The following VWC2L variants were observed in gnomAD, a reference collection of about 807,000 sequenced individuals.
VWC2L encodes von Willebrand factor C domain-containing protein 2-like.
Under a neutral mutation model 21.6 loss-of-function variants are expected in VWC2L, and 10 were observed. The observed-to-expected ratio is 0.46, with a 90% CI of 0.29 to 0.78. The LOEUF (loss-of-function observed/expected upper bound fraction) is 0.78. Ranked by LOEUF, VWC2L falls within the 30% of genes least tolerant of loss-of-function variation. VWC2L has a pLI of 0.10. For synonymous variants in VWC2L, 96 were observed against 94.3 expected (o/e 1.02, Z -0.10); for missense variants, 209 against 277.1 (o/e 0.75, Z 1.74).
chr2:214,472,780 T>G (rs1277156094), intron 3 of VWC2L, among the ~76,000 whole-genome samples: 2 of 152,182 alleles, frequency 1.3e-5, no homozygotes, highest in African/African-American at 4.8e-5. Flanking sequence ...GAAAATTTGT[T>G]TAGAAATTAG....
chr2:214,418,919 G>A (rs899859169), intron 2 of VWC2L, among the ~76,000 whole-genome samples: 4 of 152,074 alleles, frequency 2.6e-5, no homozygotes, highest in Non-Finnish European at 4.4e-5. Context: ...GGTTGTCTTG[G>A]ATTCTGTCTC....
At chr2:214,486,083 T>TC (rs1386521526) in intron 3 of VWC2L, among the ~76,000 whole-genome samples, 1 of 152,196 alleles carries the variant, frequency 6.6e-6, no homozygotes, top group African/African-American at 2.4e-5. Context: ...TCTGTGTATG[T>TC]TTGTGTGTGT....
Position 214,495,215 on chromosome 2 carries a change from G to A in VWC2L, c.520+58457G>A, listed in dbSNP as rs549272177. Among the ~76,000 whole-genome samples, 11 of 152,194 alleles carry A rather than the reference G, an allele frequency of 7.2e-5. 1 individual carries two copies. The East Asian group carries it at 1.5e-3, about 21-fold the overall frequency. On this transcript the variant is annotated intron_variant, in intron 3 of 3. Coordinates refer to ENST00000312504, the MANE Select transcript of VWC2L (RefSeq NM_001080500.4). Reference sequence around the variant, plus strand: ...CTGAGAGCTGTGGAAATTAAATTATGAAGGCTGCTAAGAAAATCCCTACTC... The same window carrying A: ...CTGAGAGCTGTGGAAATTAAATTATAAAGGCTGCTAAGAAAATCCCTACTC...
chr2:214,426,272 A>C (rs145044148), intron 2 of VWC2L, among the ~76,000 whole-genome samples: 26 of 152,226 alleles, frequency 1.7e-4, no homozygotes, highest in Admixed American at 3.3e-4. Flanking sequence ...GTTTAGACAA[A>C]ATTGGAACGT....
intron 3 of VWC2L, among the ~76,000 whole-genome samples, chr2:214,566,621 A>G (rs865954165): frequency 1.3e-5 from 2 of 152,154 alleles, no homozygotes; most frequent in Non-Finnish European, 2.9e-5. Flanking sequence ...TTTGGAAGTA[A>G]CACAGGGATG....
intron 3 of VWC2L, among the ~76,000 whole-genome samples, chr2:214,517,669 A>G (rs1166115380): frequency 6.6e-6 from 1 of 152,222 alleles, no homozygotes; most frequent in African/African-American, 2.4e-5. Context: ...AATGAACACA[A>G]AAGACTGAAA....
rs1348403181 is a variant in VWC2L, at chr2:214,543,641, A to C, written c.521-32031A>C. On this transcript the variant is annotated intron_variant, in intron 3 of 3. Coordinates refer to ENST00000312504, the MANE Select transcript of VWC2L (RefSeq NM_001080500.4). ...CTCTAGCTGAATATGCTGACCAAAG[A>C]AAGGAAGAGAAAGAAAAAAAAAAAA... Among the ~76,000 whole-genome samples the C allele has an allele frequency of 2.0e-5, 3 of 151,986 alleles. No homozygotes were observed. The South Asian group carries it at 6.2e-4, about 32-fold the overall frequency.
At chr2:214,440,963 C>A (rs1243676873) in intron 3 of VWC2L, among the ~76,000 whole-genome samples, 1 of 152,092 alleles carries the variant, frequency 6.6e-6, no homozygotes, top group Non-Finnish European at 1.5e-5. Context: ...GGAAATGTTA[C>A]CCCATGAAAA....
intron 3 of VWC2L, among the ~76,000 whole-genome samples, chr2:214,495,901 G>A (rs939215079): frequency 2.0e-5 from 3 of 152,136 alleles, no homozygotes; most frequent in African/African-American, 7.2e-5. Context: ...CAACAAGTCA[G>A]TTCAGATTTT....
chr2:214,519,618 C>A (rs1476204287), intron 3 of VWC2L, among the ~76,000 whole-genome samples: 1 of 152,206 alleles, frequency 6.6e-6, no homozygotes, highest in African/African-American at 2.4e-5. Flanking sequence ...TAAATTCTCT[C>A]TCAAGTGGTC....
intron 3 of VWC2L, among the ~76,000 whole-genome samples, chr2:214,501,721 CAAAAAAAAA>C (rs776608301): frequency 1.3e-5 from 1 of 79,108 alleles, no homozygotes; most frequent in Non-Finnish European, 2.4e-5. Context: ...GACTCTGTCT[CAAAAAAAAA>C]AAAAAAAAAA....
In VWC2L at chr2:214,573,273, G is replaced by A. The variant is rs1299931921; in HGVS notation, c.521-2399G>A. Among the ~76,000 whole-genome samples the A allele has an allele frequency of 4.0e-5, 6 of 151,848 alleles. No individual in the cohort carries two copies. In the South Asian group the frequency reaches 1.0e-3, roughly 26 times the overall value. ...CACACACACATACACACATACGCAC[G>A]CTCACACGGTTAAGATTCTTCTGAC... On this transcript the variant is annotated intron_variant, in intron 3 of 3. Transcript: ENST00000312504.
chr2:214,545,338 C>T (rs2105922665), intron 3 of VWC2L, among the ~76,000 whole-genome samples: 1 of 152,292 alleles, frequency 6.6e-6, no homozygotes, highest in African/African-American at 2.4e-5. Flanking sequence ...TTTGCCAACA[C>T]ACTGAATATC....
chr2:214,459,402 A>C lies in VWC2L; in HGVS notation c.520+22644A>C, dbSNP rs143621919. 2.8e-3 allele frequency among the ~76,000 whole-genome samples: 433 copies of C among 152,294 alleles called. 8 individuals carry two copies. In the South Asian group the frequency reaches 0.044, roughly 15 times the overall value. ...GGAAAATTTAATCTATTTACATTCA[A>C]AGTGGTTATTATTTATTTTGTTAAT... On this transcript the variant is annotated intron_variant, in intron 3 of 3. Transcript: ENST00000312504.
chr2:214,501,910 G>A (rs1688898016), intron 3 of VWC2L, among the ~76,000 whole-genome samples: 1 of 152,150 alleles, frequency 6.6e-6, no homozygotes, highest in South Asian at 2.1e-4. Flanking sequence ...AGAAAGAGAA[G>A]TGGGGAGTTG....
intron 3 of VWC2L, among the ~76,000 whole-genome samples, chr2:214,501,705 G>A (rs1169061371): frequency 1.7e-5 from 2 of 120,908 alleles, no homozygotes; most frequent in African/African-American, 3.1e-5. Context: ...CTGGGTGACA[G>A]AGCAAGACTC....
intron 3 of VWC2L, among the ~76,000 whole-genome samples, chr2:214,495,055 A>G (rs1688793489): frequency 6.6e-6 from 1 of 152,190 alleles, no homozygotes. Context: ...TTCATAAACA[A>G]CTATGTCATA....
At chr2:214,520,828 C>T (rs978786727) in intron 3 of VWC2L, among the ~76,000 whole-genome samples, 1 of 152,046 alleles carries the variant, frequency 6.6e-6, no homozygotes, top group African/African-American at 2.4e-5. Flanking sequence ...AAAGGAAATA[C>T]ATGAAAGTGT....
At chr2:214,572,253 G>A (rs1353820341) in intron 3 of VWC2L, among the ~76,000 whole-genome samples, 2 of 152,176 alleles carry the variant, frequency 1.3e-5, no homozygotes, top group East Asian at 3.8e-4. Context: ...AGAAGGAGGA[G>A]AGAACAGTTG....
Sources: gnomAD v4.1 joint callset for allele counts (sites outside exome capture counted in the v4.1 genomes callset) on GRCh38, gnomAD v4.1.1 for gene constraint, MANE v1.5 for transcripts, NCBI Gene and HGNC (gene_info 2026-07-23, HGNC 2026-07-21) for gene names.